Variants in TENM4 observed in about 807,000 individuals in gnomAD.
The protein encoded by TENM4 is teneurin transmembrane protein 4, also known as teneurin-4.
TENM4 carries 82 observed loss-of-function variants against 243.3 expected under a neutral mutation model. The ratio of observed to expected loss-of-function variants is 0.34; its 90% confidence interval spans 0.28 to 0.40. TENM4 has a LOEUF of 0.40. Ranked by LOEUF, TENM4 falls within the 10% of genes least tolerant of loss-of-function variation. TENM4 has a pLI of 1.00. For synonymous variants in TENM4, 1,412 were observed against 1,456.3 expected, an observed-to-expected ratio of 0.97 and a Z score of 0.69; for missense variants, 3,138 against 3,673.3, an observed-to-expected ratio of 0.85 and a Z score of 3.77.
chr11:78,799,778 C>A (rs976357159), intron 15 of TENM4, among the ~76,000 whole-genome samples: 2 of 152,222 alleles, frequency 1.3e-5, no homozygotes, highest in Non-Finnish European at 2.9e-5. Context: ...ATCATAAACC[C>A]GCAGCATGAG....
At chr11:78,927,723 T>C (rs982294665) in intron 6 of TENM4, among the ~76,000 whole-genome samples, 4 of 152,154 alleles carry the variant, frequency 2.6e-5, no homozygotes, top group African/African-American at 9.7e-5. Flanking sequence ...TGTAAAATTT[T>C]CTGCCAGTTT....
At chr11:79,032,101 T>TA (rs1168873215) in intron 6 of TENM4, among the ~76,000 whole-genome samples, 1 of 152,208 alleles carries the variant, frequency 6.6e-6, no homozygotes, top group Non-Finnish European at 1.5e-5. Flanking sequence ...CTACCATCAG[T>TA]AAAGATTTAT....
chr11:78,772,019 T>C (rs1325475851), intron 17 of TENM4, among the ~76,000 whole-genome samples: 1 of 152,074 alleles, frequency 6.6e-6, no homozygotes, highest in Admixed American at 6.5e-5. Context: ...AGGCAAAAAA[T>C]TTAACTGCTA....
At chr11:78,841,618 T>C (rs946653225) in intron 12 of TENM4, among the ~76,000 whole-genome samples, 1 of 151,946 alleles carries the variant, frequency 6.6e-6, no homozygotes, top group Non-Finnish European at 1.5e-5. Context: ...CCCACCTTCT[T>C]CCATTAGTCA....
intron 4 of TENM4, among the ~76,000 whole-genome samples, chr11:79,110,993 C>T (rs1861490982): frequency 6.6e-6 from 1 of 152,170 alleles, no homozygotes; most frequent in Non-Finnish European, 1.5e-5. Context: ...CCACCCAAAT[C>T]TCATCTTGAA....
chr11:79,070,148 G>C (rs756397248), intron 4 of TENM4, 139 bp from the exon 5 acceptor site: 19 of 1,099,466 alleles, frequency 1.7e-5, no homozygotes, highest in Non-Finnish European at 2.3e-5. Flanking sequence ...CCACCACTAC[G>C]CAGCCCATAA....
chr11:79,296,210 C>T lies in TENM4; in HGVS notation c.-265+1278G>A, dbSNP rs540435896. ...AATCCACAGCATTCTCTGTGTCTTG[C>T]CTGAGGCAAGACAACTCAGCAAAAG... On this transcript the variant is annotated intron_variant, in intron 2 of 33. Coordinates refer to ENST00000278550, the MANE Select transcript of TENM4 (RefSeq NM_001098816.3). Among the ~76,000 whole-genome samples, 3 of 152,216 alleles carry T rather than the reference C, an allele frequency of 2.0e-5. No individual in the cohort carries two copies. In the South Asian group the frequency reaches 6.2e-4, roughly 32 times the overall value.
chr11:79,121,433 CCT>C (rs1349742424), intron 4 of TENM4, among the ~76,000 whole-genome samples: 1 of 152,138 alleles, frequency 6.6e-6, no homozygotes, highest in African/African-American at 2.4e-5. Context: ...GGGAGAAACC[CCT>C]GACACATGGG....
intron 6 of TENM4, among the ~76,000 whole-genome samples, chr11:78,913,583 A>ATGTGTGTGTGTGTGTGTG (rs55835050): frequency 7.0e-6 from 1 of 141,938 alleles, no homozygotes; most frequent in African/African-American, 2.7e-5. Context: ...GGTAAGAGGT[A>ATGTGTGTGTGTGTGTGTG]TGTGTGTGTG....
chr11:78,897,380 C>T (rs980651989), intron 7 of TENM4, among the ~76,000 whole-genome samples: 3 of 152,160 alleles, frequency 2.0e-5, no homozygotes, highest in African/African-American at 4.8e-5. Flanking sequence ...TACTCAACTA[C>T]GTGTTGAGTC....
intron 3 of TENM4, among the ~76,000 whole-genome samples, chr11:79,166,054 T>C (rs950311089): frequency 1.3e-5 from 2 of 152,298 alleles, no homozygotes; most frequent in African/African-American, 4.8e-5. Flanking sequence ...TCATTCTGAA[T>C]AGGGAGTGTC....
In TENM4 at chr11:79,216,715, G is replaced by T. The variant is rs562313077; in HGVS notation, c.-264-806C>A. Among the ~76,000 whole-genome samples the T allele has an allele frequency of 5.3e-5, 8 of 152,300 alleles. No individual in the cohort carries two copies. In the East Asian group the frequency reaches 1.5e-3, roughly 29 times the overall value. On this transcript the variant is annotated intron_variant, in intron 2 of 33. Coordinates refer to ENST00000278550, the MANE Select transcript of TENM4 (RefSeq NM_001098816.3). ...CTTGCCCTTCCGCCTTTTCCCCTGG[G>T]ATGAAGCAGCAGGAGGCCTTTACCA...
chr11:79,028,390 A>C (rs1174283137), intron 6 of TENM4, among the ~76,000 whole-genome samples: 1 of 152,232 alleles, frequency 6.6e-6, no homozygotes, highest in East Asian at 1.9e-4. Flanking sequence ...TCTCATGAGC[A>C]ACCCCTGTAA....
At chr11:79,143,044 G>A (rs925501861) in intron 4 of TENM4, among the ~76,000 whole-genome samples, 3 of 152,120 alleles carry the variant, frequency 2.0e-5, no homozygotes, top group South Asian at 4.1e-4. Context: ...TGGAGAGGAT[G>A]TGGAGAAATA....
intron 6 of TENM4, among the ~76,000 whole-genome samples, chr11:78,958,992 T>C (rs548506625): frequency 2.6e-5 from 4 of 152,312 alleles, no homozygotes; most frequent in Non-Finnish European, 5.9e-5. Flanking sequence ...TTTTCTCCCA[T>C]TTCACAGATG....
intron 4 of TENM4, among the ~76,000 whole-genome samples, chr11:79,091,398 G>T (rs1055211293): frequency 6.6e-6 from 1 of 151,890 alleles, no homozygotes; most frequent in Non-Finnish European, 1.5e-5. Flanking sequence ...ACCATTCTAG[G>T]TGTTGGAGAT....
intron 4 of TENM4, among the ~76,000 whole-genome samples, chr11:79,102,545 C>A (rs938477726): frequency 5.3e-5 from 8 of 152,240 alleles, no homozygotes; most frequent in African/African-American, 1.9e-4. Flanking sequence ...GCTCCTGGTA[C>A]CTGGTGGACA....
At chr11:78,773,028 C>T (rs1235116907) in intron 17 of TENM4, among the ~76,000 whole-genome samples, 1 of 152,230 alleles carries the variant, frequency 6.6e-6, no homozygotes, top group Non-Finnish European at 1.5e-5. Flanking sequence ...TTGCCAACAT[C>T]AGCCACCATT....
intron 6 of TENM4, among the ~76,000 whole-genome samples, chr11:79,002,991 T>C (rs1464516350): frequency 2.6e-5 from 4 of 152,062 alleles, no homozygotes; most frequent in African/African-American, 4.8e-5. Context: ...AGCTGATAAA[T>C]TCACTTTAAG....
Sources: gnomAD v4.1 joint callset for allele counts (sites outside exome capture counted in the v4.1 genomes callset) on GRCh38, gnomAD v4.1.1 for gene constraint, MANE v1.5 for transcripts, NCBI Gene and HGNC (gene_info 2026-07-23, HGNC 2026-07-21) for gene names.